The following NR4A1 variants were observed in gnomAD, a reference collection of about 807,000 sequenced individuals.
NR4A1 encodes nuclear receptor subfamily 4immunitygroup A member 1.
Under a neutral mutation model 47.5 loss-of-function variants are expected in NR4A1, and 24 were observed. The observed-to-expected ratio is 0.50, with a 90% CI of 0.37 to 0.71. The LOEUF is 0.71. Among genes scored for constraint, NR4A1 ranks in the 30% least tolerant of loss-of-function variants. NR4A1 has a pLI of 0.00. For missense variants in NR4A1, 669 were observed against 788.6 expected, an observed-to-expected ratio of 0.85 and a Z score of 1.82; for synonymous variants, 353 against 345.7, an observed-to-expected ratio of 1.02 and a Z score of -0.24.
At chr12:52,054,244 T>C in intron 1 of NR4A1, 83 bp from the exon 2 acceptor site, 16 of 1,234,612 alleles carry the variant, frequency 1.3e-5, no homozygotes, top group Non-Finnish European at 1.8e-5. Context: ...CTTGCTGCTC[T>C]GGGGCCCAAA....
chr12:52,057,278 C>T lies in NR4A1; in HGVS notation c.1361+19C>T. On this transcript the variant is annotated intron_variant, in intron 5 of 6. Coordinates refer to ENST00000394825, the MANE Select transcript of NR4A1 (RefSeq NM_173157.3). ...CGTACAGGTGAGAGCCACTGACTGT[C>T]TGCCCAGCCCCTTTCCCTGATACAC... 6.2e-7 allele frequency: 1 copy of T among 1,613,274 alleles called. No homozygotes were observed. The highest frequency in any genetic ancestry group is 8.5e-7 in the Non-Finnish European group (1 of 1,179,672).
At chr12:52,024,376 C>CT (rs1258436872) in intron 1 of NR4A1, among the ~76,000 whole-genome samples, 3 of 152,154 alleles carry the variant, frequency 2.0e-5, no homozygotes, top group South Asian at 2.1e-4. Flanking sequence ...TCTGTGCTGC[C>CT]TTTTTTTCTC....
intron 4 of NR4A1, 144 bp downstream of exon 4, chr12:52,056,789 G>C: frequency 1.0e-6 from 1 of 965,246 alleles, no homozygotes; most frequent in Non-Finnish European, 1.5e-6. Context: ...ACTCCCTCCA[G>C]TTCGACAGAT....
chr12:52,052,304 T>TGTGAGAGAGAGAGA (rs398019589), intron 1 of NR4A1, among the ~76,000 whole-genome samples: 1 of 70,594 alleles, frequency 1.4e-5, no homozygotes, highest in Admixed American at 1.5e-4. Flanking sequence ...TGTGTGTGTG[T>TGTGAGAGAGAGAGA]GAGAGAGAGA....
At chr12:52,028,058 C>T (rs559159464) in intron 1 of NR4A1, among the ~76,000 whole-genome samples, 19 of 151,424 alleles carry the variant, frequency 1.3e-4, no homozygotes, top group Non-Finnish European at 2.7e-4. Flanking sequence ...AAAAATTAGC[C>T]GGGCGTGGTG....
intron 1 of NR4A1, among the ~76,000 whole-genome samples, chr12:52,024,557 T>C (rs775502358): frequency 1.4e-4 from 21 of 151,906 alleles, no homozygotes; most frequent in Non-Finnish European, 2.6e-4. Context: ...ATGATCTGAG[T>C]GTCTGTAGTC....
intron 1 of NR4A1, among the ~76,000 whole-genome samples, chr12:52,027,649 G>T (rs1435968304): frequency 6.6e-6 from 1 of 152,216 alleles, no homozygotes; most frequent in Non-Finnish European, 1.5e-5. Context: ...CGGGGTGCAC[G>T]TGGGGGCTGC....
chr12:52,048,286 G>A (rs1042108665), upstream of NR4A1, among the ~76,000 whole-genome samples: 20 of 151,296 alleles, frequency 1.3e-4, no homozygotes, highest in Non-Finnish European at 2.9e-4. Context: ...ATCATCTTTT[G>A]CTACCTATTA....
At position 52,041,810 on chromosome 12, in the gene NR4A1, G is replaced by C. The variant is rs3858638; in HGVS notation, c.-83G>C. 8.7e-4 allele frequency: 1,219 copies of C among 1,394,060 alleles called. 26 individuals are homozygous for C. The Admixed American group carries it at 0.028, about 32-fold the overall frequency. The allele number at this position is 1,394,060 out of a possible 1,614,324, so 86.4% of individuals were successfully genotyped here. On this transcript the variant is annotated splice_region_variant and 5_prime_UTR_variant, in exon 2 of 8. Transcript: ENST00000360284. ...ACTCACATCGACTCTCCCTCTGTAG[G>C]CCTCCACCATGGACAGAGGCCAGGC...
chr12:52,054,789 G>A lies in NR4A1; in HGVS notation c.461G>A (p.Trp154Ter). 1 of 1,613,034 alleles carries A rather than the reference G, an allele frequency of 6.2e-7. No individual in the cohort carries two copies. Among genetic ancestry groups the A allele is most frequent in the Non-Finnish European group, 8.5e-7 (1 of 1,179,966 alleles). ...TTCCAGCCGCCCCAGCTCTCTCCCT[G>A]GGATGGCTCCTTCGGCCACTTCTCG... Reference protein sequence around the residue: ...PSFQPPQLSPWDGSFGHFSPS... With the variant: ...PSFQPPQLSP Residue 154 changes from tryptophan (W) to a stop codon, truncating the protein, a stop_gained, in exon 2 of 7, where the codon TGG (tryptophan) becomes TAG (stop). Coordinates refer to ENST00000394825, the MANE Select transcript of NR4A1 (RefSeq NM_173157.3). LOFTEE classifies it high-confidence loss of function.
chr12:52,048,253 C>T (rs1221222399), upstream of NR4A1, among the ~76,000 whole-genome samples: 1 of 151,944 alleles, frequency 6.6e-6, no homozygotes, highest in Non-Finnish European at 1.5e-5. Flanking sequence ...TGCTGGTTGG[C>T]AGGAAGAACA....
intron 1 of NR4A1, chr12:52,038,759 C>T (rs1938332542): frequency 1.3e-6 from 1 of 764,484 alleles, no homozygotes; most frequent in Non-Finnish European, 2.4e-6. Context: ...GGTAACTGGG[C>T]AGAAGGATGG....
At chr12:52,056,464 C>A in intron 3 of NR4A1, 30 bp from the exon 4 acceptor site, 5 of 1,605,832 alleles carry the variant, frequency 3.1e-6, no homozygotes, top group Non-Finnish European at 4.2e-6. Flanking sequence ...CAGATCCCTT[C>A]CTTCCTCACC....
At chr12:52,044,467 CCTGGGCCAGGGACT>C (rs1367017772) in intron 2 of NR4A1, among the ~76,000 whole-genome samples, 1 of 152,170 alleles carries the variant, frequency 6.6e-6, no homozygotes, top group Non-Finnish European at 1.5e-5. Context: ...CGCTCCGGGA[CCTGGGCCAGGGACT>C]CTGGCCCGGC....
chr12:52,041,881 G>A, exon 2 of NR4A1: 1 of 1,532,826 alleles, frequency 6.5e-7, no homozygotes, highest in Non-Finnish European at 8.7e-7. Flanking sequence ...GGCCCTGAAG[G>A]CAGACGGGAT....
chr12:52,051,640 C>A, intron 1 of NR4A1, 72 bp downstream of exon 1: 3 of 946,628 alleles, frequency 3.2e-6, no homozygotes, highest in Non-Finnish European at 3.8e-6. Context: ...TACGCGCGGG[C>A]AGAGAGGATG....
intron 2 of NR4A1, among the ~76,000 whole-genome samples, chr12:52,044,868 C>T (rs1456952208): frequency 6.6e-6 from 1 of 151,878 alleles, no homozygotes. Flanking sequence ...CAACCTTTCC[C>T]AAAGGAACTC....
upstream of NR4A1, among the ~76,000 whole-genome samples, chr12:52,047,038 C>T (rs975753974): frequency 6.7e-6 from 1 of 149,136 alleles, no homozygotes; most frequent in African/African-American, 2.5e-5. Flanking sequence ...GGGGGCCTGA[C>T]TAGGTGGGGC....
At position 52,054,732 on chromosome 12, in the gene NR4A1, C is replaced by G; in HGVS notation, c.404C>G (p.Pro135Arg). The change falls in exon 2 of 7, where the codon CCC (proline) becomes CGC (arginine). Residue 135 changes from proline (P) to arginine (R), a missense_variant. By Grantham distance (103) the Pro-to-Arg change is moderately radical (BLOSUM62 -2). Transcript: ENST00000394825. Reference protein sequence around the residue: ...SSSGSDYYGSPCSAPSPSTPS... With the variant: ...SSSGSDYYGSRCSAPSPSTPS... ...AGTGGCTCTGACTACTATGGCAGCC[C>G]CTGCTCGGCCCCGTCGCCCTCCACG... 6.2e-7 allele frequency: 1 copy of G among 1,613,148 alleles called. No homozygotes were observed. Among genetic ancestry groups the G allele is most frequent in the Non-Finnish European group, 8.5e-7 (1 of 1,180,016 alleles).
Sources: allele counts gnomAD v4.1 joint callset (sites outside exome capture counted in the v4.1 genomes callset), GRCh38; gene constraint gnomAD v4.1.1; transcripts MANE v1.5; gene names NCBI Gene and HGNC (gene_info 2026-07-23, HGNC 2026-07-21).